Variants in ZDHHC15 observed in about 807,000 individuals in gnomAD.
ZDHHC15 encodes palmitoyltransferase ZDHHC15.
Under a neutral mutation model 31.7 loss-of-function variants are expected in ZDHHC15, and 19 were observed. That is an observed-to-expected ratio of 0.60 (90% CI 0.42 to 0.88). The LOEUF is 0.88. Ranked by LOEUF, ZDHHC15 falls within the 40% of genes least tolerant of loss-of-function variation. The probability of loss-of-function intolerance (pLI) is 0.00; values close to 1 mark genes in which losing one functional copy is unlikely to be tolerated. For synonymous variants in ZDHHC15, 103 were observed against 90.0 expected, an observed-to-expected ratio of 1.14 and a Z score of -0.82; for missense variants, 209 against 251.2, an observed-to-expected ratio of 0.83 and a Z score of 1.14.
intron 5 of ZDHHC15, among the ~76,000 whole-genome samples, chrX:75,430,601 C>G (rs1354328257): frequency 9.0e-6 from 1 of 111,038 alleles, no homozygotes; most frequent in Non-Finnish European, 1.9e-5. Flanking sequence ...GATACTCCAC[C>G]TTCAAGGATG....
At chrX:75,413,465 A>T (rs1226193025) in intron 10 of ZDHHC15, among the ~76,000 whole-genome samples, 1 of 111,425 alleles carries the variant, frequency 9.0e-6, no homozygotes, top group African/African-American at 3.3e-5. Context: ...ATATGAGTTC[A>T]AGACCAGCTG....
At chrX:75,440,079 G>A (rs1208576082) in intron 4 of ZDHHC15, among the ~76,000 whole-genome samples, 1 of 111,491 alleles carries the variant, frequency 9.0e-6, no homozygotes, top group Admixed American at 9.6e-5. Flanking sequence ...TAGCAGGGGA[G>A]TTGAAGTGGA....
rs750007494 is a variant in ZDHHC15 at position 75,454,838 on chromosome X, C to A, written c.259-3916G>T. Among the ~76,000 whole-genome samples the A allele has an allele frequency of 2.7e-5, 3 of 111,422 alleles. No individual in the cohort carries two copies. In the South Asian group the frequency reaches 1.1e-3, roughly 42 times the overall value. ...ATGTGAAGGACCTCTTTAAGGAGAACTACAAACCACTGCTCAATTAAATAA... is the reference window on the plus strand; with the variant it reads ...ATGTGAAGGACCTCTTTAAGGAGAAATACAAACCACTGCTCAATTAAATAA... On this transcript the variant is annotated intron_variant, in intron 3 of 11. Coordinates refer to ENST00000373367, the MANE Select transcript of ZDHHC15 (RefSeq NM_144969.3).
rs140916028 is a variant in ZDHHC15 at position 75,480,374 on chromosome X, A to G, written c.164-1389T>C. On this transcript the variant is annotated intron_variant, in intron 2 of 11. Transcript: ENST00000373367. ...GGTATGTATCATTCCAGATCCTCTT[A>G]TTTGTATATGTTTATACAAACATAT... Among the ~76,000 whole-genome samples the G allele has an allele frequency of 3.0e-3, 339 of 111,870 alleles. 1 individual carries two copies. Among genetic ancestry groups the G allele is most frequent in the African/African-American group, 0.01 (311 of 30,850 alleles).
intron 3 of ZDHHC15, among the ~76,000 whole-genome samples, chrX:75,455,278 T>C (rs2147922361): frequency 8.9e-6 from 1 of 111,935 alleles, no homozygotes; most frequent in African/African-American, 3.2e-5. Context: ...AAGGATTCCC[T>C]ATTTAATAAA....
chrX:75,419,087 C>A (rs1408408157), intron 9 of ZDHHC15, among the ~76,000 whole-genome samples: 1 of 111,362 alleles, frequency 9.0e-6, no homozygotes, highest in Non-Finnish European at 1.9e-5. Flanking sequence ...CCAGAATCTA[C>A]AAATAACTTA....
intron 5 of ZDHHC15, among the ~76,000 whole-genome samples, chrX:75,430,962 C>T (rs1403959839): frequency 9.0e-6 from 1 of 111,244 alleles, no homozygotes; most frequent in African/African-American, 3.3e-5. Context: ...TGGGATACTG[C>T]CACAGCTAAG....
chrX:75,440,290 T>A (rs1284444262), intron 4 of ZDHHC15, among the ~76,000 whole-genome samples: 4 of 111,301 alleles, frequency 3.6e-5, no homozygotes, highest in Admixed American at 2.9e-4. Context: ...CCTTTTTTTT[T>A]TGAGATGGAG....
At chrX:75,491,591 A>G (rs1407628778) in intron 2 of ZDHHC15, among the ~76,000 whole-genome samples, 1 of 109,903 alleles carries the variant, frequency 9.1e-6, no homozygotes, top group East Asian at 2.9e-4. Context: ...TAACCTGCAC[A>G]TTGTGCACGT....
chrX:75,498,150 C>A (rs1424387750), intron 2 of ZDHHC15, among the ~76,000 whole-genome samples: 1 of 110,015 alleles, frequency 9.1e-6, no homozygotes, highest in African/African-American at 3.3e-5. Context: ...TCAGGCGGGT[C>A]TCAAACTCCT....
At chrX:75,451,474 T>A (rs1178423079) in intron 3 of ZDHHC15, among the ~76,000 whole-genome samples, 1 of 112,314 alleles carries the variant, frequency 8.9e-6, no homozygotes, top group South Asian at 3.7e-4. Flanking sequence ...TTTAGTCTCG[T>A]ATGGAGCTTG....
intron 2 of ZDHHC15, among the ~76,000 whole-genome samples, chrX:75,491,367 A>G (rs983115414): frequency 5.6e-5 from 6 of 106,758 alleles, no homozygotes; most frequent in Non-Finnish European, 9.6e-5. Context: ...TCAGTAAACT[A>G]TCGCAAGAAC....
chrX:75,384,713 G>C, intron 10 of ZDHHC15: 1 of 800,855 alleles, frequency 1.2e-6, no homozygotes, highest in Non-Finnish European at 1.9e-6. Context: ...AAAGAGAAAG[G>C]TACCTGTGTT....
intron 3 of ZDHHC15, among the ~76,000 whole-genome samples, chrX:75,473,381 A>C (rs1324702609): frequency 1.8e-5 from 2 of 111,361 alleles, no homozygotes; most frequent in African/African-American, 6.5e-5. Context: ...GGCACTACTC[A>C]CTATCACCCC....
rs1258490562 is a variant in ZDHHC15 at position 75,449,750 on chromosome X, G to A, written c.379+1052C>T. ...TGTGTCTGACAGTAAACTTTCTAAA[G>A]CCTTGAAATACGAAACATAATCATC... On this transcript the variant is annotated intron_variant, in intron 4 of 11. Transcript: ENST00000373367. Among the ~76,000 whole-genome samples the A allele has an allele frequency of 4.5e-5, 5 of 111,924 alleles. No individual in the cohort carries two copies. The Admixed American group carries it at 4.8e-4, about 11-fold the overall frequency.
chrX:75,378,106 A>G (rs2083078174), intron 11 of ZDHHC15, among the ~76,000 whole-genome samples: 1 of 112,072 alleles, frequency 8.9e-6, no homozygotes. Flanking sequence ...AAATAAAGAC[A>G]CATCACAAAT....
chrX:75,399,167 T>C (rs1326396632), intron 10 of ZDHHC15, among the ~76,000 whole-genome samples: 2 of 110,893 alleles, frequency 1.8e-5, no homozygotes, highest in Non-Finnish European at 3.8e-5. Flanking sequence ...CCCGTTTTCA[T>C]ATCTCCTCAA....
At chrX:75,416,798 C>G (rs1373829859) in intron 10 of ZDHHC15, among the ~76,000 whole-genome samples, 1 of 111,615 alleles carries the variant, frequency 9.0e-6, no homozygotes, top group Non-Finnish European at 1.9e-5. Context: ...CAAAGTACTA[C>G]AAGTGACTAC....
chrX:75,434,351 A>G (rs1427533850), intron 4 of ZDHHC15, among the ~76,000 whole-genome samples: 1 of 111,466 alleles, frequency 9.0e-6, no homozygotes, highest in Non-Finnish European at 1.9e-5. Context: ...AGTCCCATCA[A>G]TTTATCTTTG....
Sources: allele counts gnomAD v4.1 joint callset (sites outside exome capture counted in the v4.1 genomes callset), GRCh38; gene constraint gnomAD v4.1.1; transcripts MANE v1.5; gene names NCBI Gene and HGNC (gene_info 2026-07-23, HGNC 2026-07-21).